The following ARHGEF33 variants were observed in gnomAD, a reference collection of about 807,000 sequenced individuals.
ARHGEF33 encodes DH and coiled-coil domain-containing protein ENSP00000381780.
In ARHGEF33, 72 loss-of-function variants were observed where a neutral mutation model predicts 101.9. The observed-to-expected ratio is 0.71, with a 90% CI of 0.58 to 0.86. ARHGEF33 has a LOEUF of 0.86. Among genes scored for constraint, ARHGEF33 ranks in the 40% least tolerant of loss-of-function variants. The pLI is 0.00. For synonymous variants in ARHGEF33, 499 were observed against 442.5 expected (o/e 1.13, Z -1.60); for missense variants, 1,169 against 1,111.3 (o/e 1.05, Z -0.74).
intron 2 of ARHGEF33, among the ~76,000 whole-genome samples, chr2:38,909,832 A>C (rs1391371207): frequency 1.3e-5 from 2 of 150,734 alleles, no homozygotes; most frequent in African/African-American, 4.9e-5. Flanking sequence ...TTTTGCTTCT[A>C]AGGGTCACAC....
chr2:38,946,383 AGATATCTGC>A (rs1667451560), intron 10 of ARHGEF33, among the ~76,000 whole-genome samples: 1 of 152,220 alleles, frequency 6.6e-6, no homozygotes, highest in Admixed American at 6.5e-5. Context: ...AGTTATTTCA[AGATATCTGC>A]GATAATGCTA....
rs1426612523 is a variant in ARHGEF33 at position 38,971,589 on chromosome 2, GA to G, written c.2484-2124del. On this transcript the variant is annotated intron_variant, in intron 17 of 17. Transcript: ENST00000409978. The stretch of plus-strand genomic sequence containing the variant: ...GAGCCTAATGGCCACACCTTTGGAA[GA>G]GTCCAGGTGGCCACGTATATGTAAG... Among the ~76,000 whole-genome samples, 4 of 152,306 alleles carry G rather than the reference GA, an allele frequency of 2.6e-5. No homozygotes were observed. The East Asian group carries it at 5.8e-4, about 22-fold the overall frequency.
At chr2:38,920,339 C>G (rs995278534) in intron 3 of ARHGEF33, among the ~76,000 whole-genome samples, 3 of 151,616 alleles carry the variant, frequency 2.0e-5, no homozygotes, top group Non-Finnish European at 4.4e-5. Flanking sequence ...AAAGTACATT[C>G]CAGGCCAACC....
At position 38,936,184 on chromosome 2, in the gene ARHGEF33, C is replaced by T. The variant is rs434696; in HGVS notation, c.565+350C>T. ...ACTGTATAGTTTAATTCAAAAGTTA[C>T]CTACTTTTACATCTGTGTAGTGCAG... is the stretch of plus-strand genomic sequence containing the variant. On this transcript the variant is annotated intron_variant, in intron 8 of 17. Transcript: ENST00000409978. Among the ~76,000 whole-genome samples the T allele has an allele frequency of 1.3e-4, 20 of 152,082 alleles. No homozygotes were observed. In the East Asian group the frequency reaches 3.5e-3, roughly 26 times the overall value.
At chr2:38,891,694 A>G (rs1368314250) in intron 1 of ARHGEF33, among the ~76,000 whole-genome samples, 2 of 152,110 alleles carry the variant, frequency 1.3e-5, no homozygotes, top group African/African-American at 4.8e-5. Flanking sequence ...ATTCTTGCTA[A>G]TCTTCTCAAG....
chr2:38,924,905 G>A (rs1456264578), intron 4 of ARHGEF33, among the ~76,000 whole-genome samples: 1 of 152,076 alleles, frequency 6.6e-6, no homozygotes, highest in Non-Finnish European at 1.5e-5. Flanking sequence ...TAGTATGACA[G>A]CATTAGTTAC....
chr2:38,937,094 A>G (rs1405115092), intron 8 of ARHGEF33: 1 of 346,616 alleles, frequency 2.9e-6, no homozygotes, highest in African/African-American at 2.2e-5. Flanking sequence ...TCCTGGGTTC[A>G]AGCGATTCTC....
intron 2 of ARHGEF33, among the ~76,000 whole-genome samples, chr2:38,904,352 C>T (rs1260685802): frequency 6.6e-6 from 1 of 152,070 alleles, no homozygotes; most frequent in Non-Finnish European, 1.5e-5. Flanking sequence ...AGAAATGAGG[C>T]TGGAGGGGCA....
At chr2:38,908,358 T>G (rs189074489) in intron 2 of ARHGEF33, among the ~76,000 whole-genome samples, 98 of 152,344 alleles carry the variant, frequency 6.4e-4, no homozygotes, top group African/African-American at 2.0e-3. Flanking sequence ...AGTATTAAAA[T>G]GAGTCAGAAG....
At chr2:38,903,247 A>G (rs1342966799) in intron 2 of ARHGEF33, among the ~76,000 whole-genome samples, 3 of 152,144 alleles carry the variant, frequency 2.0e-5, no homozygotes, top group Non-Finnish European at 4.4e-5. Context: ...ATTAAAAAAA[A>G]CTATGATAAC....
chr2:38,915,716 C>G (rs1300911834), intron 2 of ARHGEF33, among the ~76,000 whole-genome samples: 1 of 152,052 alleles, frequency 6.6e-6, no homozygotes, highest in Non-Finnish European at 1.5e-5. Flanking sequence ...AATAAAATTT[C>G]TAACTTACTA....
intron 6 of ARHGEF33, 22 bp downstream of exon 6, chr2:38,929,852 A>T (rs1224774316): frequency 6.5e-7 from 1 of 1,549,422 alleles, no homozygotes; most frequent in South Asian, 1.2e-5. Flanking sequence ...TTAAAAATGT[A>T]CCAAAGGCAA....
chr2:38,930,409 A>G (rs906095201), intron 6 of ARHGEF33, among the ~76,000 whole-genome samples: 7 of 148,054 alleles, frequency 4.7e-5, no homozygotes, highest in African/African-American at 1.0e-4. Context: ...GAGTAGTGGT[A>G]TGATCACAGC....
chr2:38,921,821 G>A (rs541361806), intron 4 of ARHGEF33, among the ~76,000 whole-genome samples: 4 of 152,196 alleles, frequency 2.6e-5, no homozygotes, highest in Non-Finnish European at 4.4e-5. Flanking sequence ...TGCCCCCATC[G>A]CCATGGCCAT....
At chr2:38,914,849 T>A (rs920275455) in intron 2 of ARHGEF33, among the ~76,000 whole-genome samples, 1 of 152,006 alleles carries the variant, frequency 6.6e-6, no homozygotes, top group Non-Finnish European at 1.5e-5. Context: ...ATGGAAAAAA[T>A]ACCAGAGATT....
chr2:38,915,771 A>G (rs887328058), intron 2 of ARHGEF33, among the ~76,000 whole-genome samples: 2 of 152,174 alleles, frequency 1.3e-5, no homozygotes, highest in African/African-American at 2.4e-5. Context: ...TCATGCCTGT[A>G]ATCCCAACAT....
intron 1 of ARHGEF33, among the ~76,000 whole-genome samples, chr2:38,890,622 T>C (rs1490429416): frequency 6.6e-6 from 1 of 152,252 alleles, no homozygotes; most frequent in African/African-American, 2.4e-5. Context: ...AGCGTTCTAT[T>C]ATAATTAGTA....
intron 2 of ARHGEF33, among the ~76,000 whole-genome samples, chr2:38,915,924 G>C (rs1442631279): frequency 6.6e-6 from 1 of 152,106 alleles, no homozygotes; most frequent in African/African-American, 2.4e-5. Flanking sequence ...TGCTTGGGAG[G>C]CTGAGGCAGG....
chr2:38,910,710 C>G (rs1466495251), intron 2 of ARHGEF33, among the ~76,000 whole-genome samples: 2 of 152,090 alleles, frequency 1.3e-5, no homozygotes, highest in Non-Finnish European at 2.9e-5. Flanking sequence ...ATTTCTCTTT[C>G]TCTCAATCTC....
Sources: allele counts gnomAD v4.1 joint callset (sites outside exome capture counted in the v4.1 genomes callset), GRCh38; gene constraint gnomAD v4.1.1; transcripts MANE v1.5; gene names NCBI Gene and HGNC (gene_info 2026-07-23, HGNC 2026-07-21).